Variants in DPYSL2 observed in about 807,000 individuals in gnomAD.
The protein encoded by DPYSL2 is dihydropyrimidinase-related protein 2.
In DPYSL2, 13 loss-of-function variants were observed where a neutral mutation model predicts 69.9. The ratio of observed to expected loss-of-function variants is 0.19; its 90% confidence interval spans 0.12 to 0.30. The LOEUF is 0.30. Ranked by LOEUF, DPYSL2 falls within the 10% of genes least tolerant of loss-of-function variation. The pLI is 1.00. For synonymous variants in DPYSL2, 326 were observed against 359.1 expected (o/e 0.91, Z 1.04); for missense variants, 587 against 918.9 (o/e 0.64, Z 4.67).
At chr8:26,549,657 C>T (rs1392688669) in intron 1 of DPYSL2, among the ~76,000 whole-genome samples, 1 of 152,042 alleles carries the variant, frequency 6.6e-6, no homozygotes, top group Non-Finnish European at 1.5e-5. Context: ...GAAAGAAAAC[C>T]TTGAAAGAAG....
At chr8:26,520,672 T>C (rs1310232521) in intron 1 of DPYSL2, among the ~76,000 whole-genome samples, 2 of 152,216 alleles carry the variant, frequency 1.3e-5, no homozygotes, top group East Asian at 1.9e-4. Context: ...ATTAGAGCAG[T>C]GAGATGACAG....
chr8:26,585,986 C>T lies in DPYSL2; in HGVS notation c.628+2003C>T, dbSNP rs983365881. On this transcript the variant is annotated intron_variant, in intron 3 of 13. Transcript: ENST00000521913. The surrounding 1 kb of genome is among the most constrained non-coding windows in gnomAD (Gnocchi z 4.0). Reference sequence around the variant, plus strand: ...AGGCATGGTGGCATGCTCCTGGAGTCCCAGCTACTTGGGAGGCTGAGGCAG... The same window carrying T: ...AGGCATGGTGGCATGCTCCTGGAGTTCCAGCTACTTGGGAGGCTGAGGCAG... Among the ~76,000 whole-genome samples the T allele has an allele frequency of 1.2e-4, 19 of 152,126 alleles. No homozygotes were observed. Among genetic ancestry groups the T allele is most frequent in the Non-Finnish European group, 2.8e-4 (19 of 68,028 alleles).
chr8:26,565,834 C>G lies in DPYSL2; in HGVS notation c.355-16135C>G, dbSNP rs1237198166. Reference sequence around the variant, plus strand: ...GCTGGTGGTTCTAACATCTTCAACACACAGCTCCCAAGGTTGTCTGGGCAA... The same window carrying G: ...GCTGGTGGTTCTAACATCTTCAACAGACAGCTCCCAAGGTTGTCTGGGCAA... On this transcript the variant is annotated intron_variant, in intron 1 of 13. Coordinates refer to ENST00000521913, the MANE Select transcript of DPYSL2 (RefSeq NM_001197293.3). The surrounding 1 kb of genome is among the most constrained non-coding windows in gnomAD (Gnocchi z 4.1). Among the ~76,000 whole-genome samples, 1 of 152,308 alleles carries G rather than the reference C, an allele frequency of 6.6e-6. No homozygotes were observed. The highest frequency in any genetic ancestry group is 2.1e-4 in the South Asian group (1 of 4,830).
Position 26,621,239 on chromosome 8 carries a change from G to A in DPYSL2, c.629-2904G>A, listed in dbSNP as rs142875941. Among the ~76,000 whole-genome samples, 1,046 of 152,076 alleles carry A rather than the reference G, an allele frequency of 6.9e-3. 17 individuals carry two copies. The highest frequency in any genetic ancestry group is 0.024 in the African/African-American group (1,001 of 41,464). The stretch of plus-strand genomic sequence containing the variant: ...TGATTTTGGGGTGGTGGTGGTAATG[G>A]GATTATTAACTTTCCCTAAAATTTT... On this transcript the variant is annotated intron_variant, in intron 3 of 13. Transcript: ENST00000521913. The surrounding 1 kb of genome is among the most constrained non-coding windows in gnomAD (Gnocchi z 4.9).
chr8:26,575,178 C>T (rs748400360), intron 1 of DPYSL2, among the ~76,000 whole-genome samples: 5 of 152,110 alleles, frequency 3.3e-5, no homozygotes, highest in Admixed American at 6.5e-5. Flanking sequence ...TTTGTAGAGA[C>T]GGGGTTTCTC....
intron 3 of DPYSL2, among the ~76,000 whole-genome samples, chr8:26,594,498 C>G (rs925193724): frequency 2.0e-5 from 3 of 152,100 alleles, no homozygotes; most frequent in Non-Finnish European, 2.9e-5. Flanking sequence ...TCTAATCTAT[C>G]TATATATTGA....
rs1175209299 is a variant in DPYSL2 at position 26,641,893 on chromosome 8, C to T, written c.1127-1546C>T. Among the ~76,000 whole-genome samples the T allele has an allele frequency of 6.6e-6, 1 of 152,198 alleles. No individual in the cohort carries two copies. Among genetic ancestry groups the T allele is most frequent in the African/African-American group, 2.4e-5 (1 of 41,454 alleles). On this transcript the variant is annotated intron_variant, in intron 8 of 13. Coordinates refer to ENST00000521913, the MANE Select transcript of DPYSL2 (RefSeq NM_001197293.3). The surrounding 1 kb of genome is among the most constrained non-coding windows in gnomAD (Gnocchi z 4.1). ...AGGGGGCAGCTGTGCAGAGCCAGCTCTCAGAGTGGCCGACAGGGAGGGTGT... is the reference window on the plus strand; with the variant it reads ...AGGGGGCAGCTGTGCAGAGCCAGCTTTCAGAGTGGCCGACAGGGAGGGTGT...
rs1287171299 is a variant in DPYSL2, at chr8:26,653,257, G to A, written c.1802G>A (p.Arg601His). ...CTGGCTGAGCTGAGAGGGGTTCCTCGTGGCCTGTATGACGGACCTGTGTGT... is the reference window on the plus strand; with the variant it reads ...CTGGCTGAGCTGAGAGGGGTTCCTCATGGCCTGTATGACGGACCTGTGTGT... ...SRLAELRGVPRGLYDGPVCEV... is the reference protein window; with the variant it reads ...SRLAELRGVPHGLYDGPVCEV... Residue 601 changes from arginine to histidine, a missense_variant, in exon 13 of 14, where the codon CGT becomes CAT. Arg to His is a conservative substitution (Grantham distance 29). Transcript: ENST00000521913. This position sits in a 1 kb window ranked among gnomAD's most constrained non-coding sequence, Gnocchi z 5.7. The A allele has an allele frequency of 1.2e-6, 2 of 1,614,088 alleles. No homozygotes were observed. The highest frequency in any genetic ancestry group is 1.1e-5 in the South Asian group (1 of 91,070).
In DPYSL2 at chr8:26,617,243, C is replaced by G. The variant is rs938031773; in HGVS notation, c.629-6900C>G. Among the ~76,000 whole-genome samples, 3 of 152,178 alleles carry G rather than the reference C, an allele frequency of 2.0e-5. No individual in the cohort carries two copies. Among genetic ancestry groups the G allele is most frequent in the African/African-American group, 7.2e-5 (3 of 41,442 alleles). ...TATGAAGGTTCTCTCTGTGTCATTT[C>G]TTAAAACTCCATGTGAGTCTATAGT... On this transcript the variant is annotated intron_variant, in intron 3 of 13. Transcript: ENST00000521913. This position sits in a 1 kb window ranked among gnomAD's most constrained non-coding sequence, Gnocchi z 4.7.
intron 1 of DPYSL2, among the ~76,000 whole-genome samples, chr8:26,529,983 G>A (rs984223987): frequency 1.3e-5 from 2 of 151,378 alleles, no homozygotes; most frequent in African/African-American, 2.4e-5. Flanking sequence ...ATGGTGGCCC[G>A]TGCCTGTAAT....
Position 26,593,650 on chromosome 8 carries a change from A to G in DPYSL2, c.628+9667A>G, listed in dbSNP as rs1452909992. Among the ~76,000 whole-genome samples the G allele has an allele frequency of 1.3e-5, 2 of 152,160 alleles. No individual in the cohort carries two copies. The highest frequency in any genetic ancestry group is 2.9e-5 in the Non-Finnish European group (2 of 68,028). ...TGTCCTTGGTGTTCGGGAAGGTTTTACTTGGCTAATTCCCTAAAAGGGCAC... is the reference window on the plus strand; with the variant it reads ...TGTCCTTGGTGTTCGGGAAGGTTTTGCTTGGCTAATTCCCTAAAAGGGCAC... On this transcript the variant is annotated intron_variant, in intron 3 of 13. Coordinates refer to ENST00000521913, the MANE Select transcript of DPYSL2 (RefSeq NM_001197293.3). The surrounding 1 kb of genome is among the most constrained non-coding windows in gnomAD (Gnocchi z 5.7).
intron 1 of DPYSL2, among the ~76,000 whole-genome samples, chr8:26,523,885 T>C (rs930494149): frequency 6.6e-6 from 1 of 152,226 alleles, no homozygotes; most frequent in Non-Finnish European, 1.5e-5. Context: ...TATTCTATTG[T>C]ATGTATAGAC....
rs1803005794 is a variant in DPYSL2, at chr8:26,640,033, C to CAGACAGACAG, written c.1127-3406_1127-3405insAGACAGACAG. 6.6e-6 allele frequency among the ~76,000 whole-genome samples: 1 copy of CAGACAGACAG among 150,798 alleles called. No individual in the cohort carries two copies. The highest frequency in any genetic ancestry group is 2.4e-5 in the African/African-American group (1 of 41,410). Reference sequence around the variant, plus strand: ...AGGAGAATGGTGAGAGCGTGTGTAACTGTCTGTCTGTCTGTCCATCCCAGT... The same window carrying CAGACAGACAG: ...AGGAGAATGGTGAGAGCGTGTGTAACAGACAGACAGTGTCTGTCTGTCTGTCCATCCCAGT... On this transcript the variant is annotated intron_variant, in intron 8 of 13. Transcript: ENST00000521913. The surrounding 1 kb of genome is among the most constrained non-coding windows in gnomAD (Gnocchi z 4.2).
chr8:26,552,383 T>A (rs886151540), intron 1 of DPYSL2, among the ~76,000 whole-genome samples: 15 of 151,746 alleles, frequency 9.9e-5, no homozygotes, highest in Non-Finnish European at 2.2e-4. Context: ...AAAGAAATAA[T>A]AATAATTAGA....
rs572040580 is a variant in DPYSL2, at chr8:26,570,741, GAAAAAA to G, written c.355-11210_355-11205del. 8.0e-3 allele frequency among the ~76,000 whole-genome samples: 864 copies of G among 108,294 alleles called. 8 individuals carry two copies. Among genetic ancestry groups the G allele is most frequent in the East Asian group, 0.047 (161 of 3,462 alleles). 71.0% of individuals were successfully genotyped at this position (108,294 alleles called of 152,430 possible). A position where few individuals can be genotyped will look rare whatever the true frequency, so the allele number is the denominator to read the frequency against. On this transcript the variant is annotated intron_variant, in intron 1 of 13. Coordinates refer to ENST00000521913, the MANE Select transcript of DPYSL2 (RefSeq NM_001197293.3). ...AGAGTGAGACTCAGTCTTAGAAAAG[GAAAAAA>G]AAAAAAAAAAAAAAAAAGAACTAGC...
chr8:26,608,480 A>G lies in DPYSL2; in HGVS notation c.629-15663A>G, dbSNP rs114377937. Among the ~76,000 whole-genome samples the G allele has an allele frequency of 7.4e-3, 1,131 of 152,322 alleles. 12 individuals are homozygous for G. Among genetic ancestry groups the G allele is most frequent in the African/African-American group, 0.026 (1,074 of 41,584 alleles). On this transcript the variant is annotated intron_variant, in intron 3 of 13. Coordinates refer to ENST00000521913, the MANE Select transcript of DPYSL2 (RefSeq NM_001197293.3). ...ATCTGGACTGTTATCTCTTACCCACATCATTCTTGAGGACGAAGAGAAAAT... is the reference window on the plus strand; with the variant it reads ...ATCTGGACTGTTATCTCTTACCCACGTCATTCTTGAGGACGAAGAGAAAAT...
chr8:26,607,333 A>C lies in DPYSL2; in HGVS notation c.629-16810A>C, dbSNP rs143216174. Among the ~76,000 whole-genome samples the C allele has an allele frequency of 5.2e-3, 796 of 151,724 alleles. 9 individuals are homozygous for C. The highest frequency in any genetic ancestry group is 0.018 in the African/African-American group (760 of 41,304). On this transcript the variant is annotated intron_variant, in intron 3 of 13. Coordinates refer to ENST00000521913, the MANE Select transcript of DPYSL2 (RefSeq NM_001197293.3). ...AACCCCATCTCTACTAAAAATACAA[A>C]AATTAACCGGGCATGGTTGCACGCC...
At chr8:26,599,439 A>T (rs917871721) in intron 3 of DPYSL2, among the ~76,000 whole-genome samples, 1 of 152,010 alleles carries the variant, frequency 6.6e-6, no homozygotes, top group African/African-American at 2.4e-5. Context: ...TTTGTCTTTA[A>T]GGTAATTTGC....
intron 1 of DPYSL2, among the ~76,000 whole-genome samples, chr8:26,535,724 A>T (rs1800580682): frequency 6.6e-6 from 1 of 151,888 alleles, no homozygotes; most frequent in African/African-American, 2.4e-5. Context: ...GCTGGTCAAG[A>T]TGATATTGTT....
Sources: gnomAD v4.1 joint callset for allele counts (sites outside exome capture counted in the v4.1 genomes callset) on GRCh38, gnomAD v4.1.1 for gene constraint, Gnocchi (gnomAD v3.1) non-coding constraint, MANE v1.5 for transcripts, NCBI Gene and HGNC (gene_info 2026-07-23, HGNC 2026-07-21) for gene names.